LRTM3: variants seen among roughly 807,000 people sequenced by gnomAD.
LRTM3 encodes leucine-rich repeat transmembrane protein 3.
chr13:102,741,459 C>T, the LRTM3 span: 1 of 1,549,992 alleles, frequency 6.5e-7, no homozygotes, highest in Non-Finnish European at 8.7e-7. Flanking sequence ...TTAGAACCTA[C>T]AAATATATCA....
chr13:102,749,845 T>A, the LRTM3 span: 2 of 1,551,410 alleles, frequency 1.3e-6, no homozygotes, highest in South Asian at 2.4e-5. Context: ...CAACAGAAGG[T>A]TGATTCTGAT....
chr13:102,748,908 T>A, the LRTM3 span: 1 of 1,550,282 alleles, frequency 6.5e-7, no homozygotes, highest in Non-Finnish European at 8.7e-7. Flanking sequence ...GAGATTCCTG[T>A]CTCCTCAAGA....
At chr13:102,740,382 C>T in the LRTM3 span, 2 of 1,550,242 alleles carry the variant, frequency 1.3e-6, no homozygotes, top group South Asian at 2.4e-5. Context: ...AAGTCTAGTC[C>T]TGGTGTCCGG....
At chr13:102,734,607 T>C in the LRTM3 span, 13 of 1,551,036 alleles carry the variant, frequency 8.4e-6, no homozygotes, top group Non-Finnish European at 1.1e-5. Flanking sequence ...TTTTGAGGGA[T>C]ATGTTGCTTT....
At chr13:102,749,986 G>A in the LRTM3 span, 1 of 1,550,364 alleles carries the variant, frequency 6.5e-7, no homozygotes, top group Non-Finnish European at 8.7e-7. Flanking sequence ...GAAATAAGTG[G>A]GCAAGAGGGC....
chr13:102,758,036 C>T, the LRTM3 span, among the ~76,000 whole-genome samples: 3 of 152,186 alleles, frequency 2.0e-5, no homozygotes, highest in Non-Finnish European at 2.9e-5. Flanking sequence ...TTTCATGTCA[C>T]TCATGCAGCA....
At chr13:102,741,526 C>T in the LRTM3 span, 2 of 1,549,974 alleles carry the variant, frequency 1.3e-6, no homozygotes, top group Non-Finnish European at 1.7e-6. Flanking sequence ...TGTTAATGTA[C>T]ACATCTTCTT....
the LRTM3 span, chr13:102,758,543 C>G: frequency 6.5e-7 from 1 of 1,546,712 alleles, no homozygotes; most frequent in African/African-American, 1.4e-5. Context: ...TAATACTTAC[C>G]AAGTTTCCTG....
At chr13:102,749,530 A>G in the LRTM3 span, 3 of 1,551,438 alleles carry the variant, frequency 1.9e-6, no homozygotes, top group Non-Finnish European at 1.7e-6. Flanking sequence ...CTAAGTGTTC[A>G]TCAGACTCCA....
At chr13:102,734,796 C>CCA in the LRTM3 span, 1 of 1,551,096 alleles carries the variant, frequency 6.4e-7, no homozygotes, top group Non-Finnish European at 8.7e-7. Flanking sequence ...TTGGTCAGAA[C>CCA]CACACCTGGT....
At chr13:102,735,734 GCTT>G in the LRTM3 span, 4 of 1,549,554 alleles carry the variant, frequency 2.6e-6, no homozygotes, top group Middle Eastern at 1.7e-4. Context: ...CTCAGTATAT[GCTT>G]TTTTGCCTGA....
At chr13:102,730,001 C>T in the LRTM3 span, 1 of 1,551,736 alleles carries the variant, frequency 6.4e-7, no homozygotes. Context: ...CTTCTCTTCA[C>T]TGAATGATAC....
the LRTM3 span, chr13:102,735,581 A>G: frequency 1.3e-6 from 2 of 1,550,960 alleles, no homozygotes; most frequent in Non-Finnish European, 1.7e-6. Context: ...TATATCTGAG[A>G]GTAGTAATTG....
At chr13:102,738,502 G>A in the LRTM3 span, 3 of 1,550,630 alleles carry the variant, frequency 1.9e-6, no homozygotes, top group Non-Finnish European at 1.7e-6. Flanking sequence ...GCTCTTTAAT[G>A]TCCAACTGAA....
the LRTM3 span, chr13:102,742,827 C>A: frequency 1.9e-6 from 3 of 1,550,502 alleles, no homozygotes; most frequent in Non-Finnish European, 1.7e-6. Flanking sequence ...TTACAGAAAG[C>A]ATTTTCTTTT....
chr13:102,732,386 G>A, the LRTM3 span: 1 of 1,551,318 alleles, frequency 6.4e-7, no homozygotes, highest in Non-Finnish European at 8.7e-7. Flanking sequence ...CTGTGGAATT[G>A]GGTGATTCTG....
chr13:102,743,535 A>G, the LRTM3 span: 2 of 1,548,930 alleles, frequency 1.3e-6, no homozygotes, highest in Non-Finnish European at 1.7e-6. Flanking sequence ...TTGGGATTCA[A>G]TATAATTTTC....
At chr13:102,735,345 A>G in the LRTM3 span, 2 of 1,551,286 alleles carry the variant, frequency 1.3e-6, no homozygotes, top group Non-Finnish European at 8.7e-7. Flanking sequence ...GCTTCTGGAC[A>G]TGCTATTCTC....
At chr13:102,736,659 C>T in the LRTM3 span, 1 of 1,550,700 alleles carries the variant, frequency 6.4e-7, no homozygotes, top group Non-Finnish European at 8.7e-7. Flanking sequence ...CCTTCTTGTG[C>T]CTTTTCCCCT....
Sources: gnomAD v4.1 joint callset for allele counts (sites outside exome capture counted in the v4.1 genomes callset) on GRCh38, gnomAD v4.1.1 for gene constraint, MANE v1.5 for transcripts, NCBI Gene and HGNC (gene_info 2026-07-23, HGNC 2026-07-21) for gene names.